The following AMMECR1 variants were observed in gnomAD, a reference collection of about 807,000 sequenced individuals.
AMMECR1 encodes nuclear protein AMMECR1.
AMMECR1 carries 3 observed loss-of-function variants against 22.5 expected under a neutral mutation model. The ratio of observed to expected loss-of-function variants is 0.13; its 90% CI spans 0.06 to 0.35. AMMECR1 has a LOEUF of 0.35. Ranked by LOEUF, AMMECR1 falls within the 10% of genes least tolerant of loss-of-function variation. The pLI, the probability that AMMECR1 is intolerant of heterozygous loss-of-function variation, is 1.00. For missense variants in AMMECR1, 235 were observed against 278.7 expected (o/e 0.84, Z 1.12); for synonymous variants, 130 against 116.7 (o/e 1.11, Z -0.74).
intron 2 of AMMECR1, among the ~76,000 whole-genome samples, chrX:110,342,493 T>G (rs757578758): frequency 1.8e-5 from 2 of 111,358 alleles, no homozygotes; most frequent in African/African-American, 6.5e-5. Context: ...TGCCTCAGCC[T>G]CCTGAGTAGC....
At chrX:110,302,902 CA>C (rs1325510522) in intron 1 of AMMECR1, among the ~76,000 whole-genome samples, 24 of 101,806 alleles carry the variant, frequency 2.4e-4, no homozygotes, top group African/African-American at 7.1e-4. Context: ...AATCAAAAAA[CA>C]AAAAAAAAAG....
At chrX:110,243,413 G>A (rs761698085) in intron 2 of AMMECR1, among the ~76,000 whole-genome samples, 3 of 112,037 alleles carry the variant, frequency 2.7e-5, no homozygotes, top group Non-Finnish European at 3.8e-5. Flanking sequence ...CCAAACATCT[G>A]GAAAATTCCC....
At chrX:110,332,996 A>G (rs1358840979) in intron 2 of AMMECR1, among the ~76,000 whole-genome samples, 1 of 112,071 alleles carries the variant, frequency 8.9e-6, no homozygotes, top group Admixed American at 9.5e-5. Context: ...AGCTTCAGCC[A>G]AAACACCCTG....
intron 1 of AMMECR1, among the ~76,000 whole-genome samples, chrX:110,268,640 G>A (rs2067782204): frequency 9.0e-6 from 1 of 111,555 alleles, no homozygotes; most frequent in Non-Finnish European, 1.9e-5. Context: ...TCTAAAAATA[G>A]GAACAAATTT....
At chrX:110,279,320 T>C (rs912811741) in intron 1 of AMMECR1, among the ~76,000 whole-genome samples, 3 of 112,686 alleles carry the variant, frequency 2.7e-5, no homozygotes, top group Non-Finnish European at 5.6e-5. Flanking sequence ...CTATTGCAAT[T>C]AGTTATTTAA....
At chrX:110,407,021 T>C (rs2068607169) in intron 2 of AMMECR1, among the ~76,000 whole-genome samples, 1 of 111,839 alleles carries the variant, frequency 8.9e-6, no homozygotes, top group African/African-American at 3.3e-5. Context: ...TGATTGATTG[T>C]GTTTTCTCCT....
chrX:110,344,560 C>T (rs1336620569), intron 2 of AMMECR1, among the ~76,000 whole-genome samples: 1 of 111,046 alleles, frequency 9.0e-6, no homozygotes, highest in Non-Finnish European at 1.9e-5. Context: ...AACAGGCAAC[C>T]TATGGAATGG....
chrX:110,238,816 G>A (rs750135279), intron 2 of AMMECR1, among the ~76,000 whole-genome samples: 2 of 112,008 alleles, frequency 1.8e-5, no homozygotes, highest in Admixed American at 9.4e-5. Flanking sequence ...GGCATCTGGC[G>A]GGTGCCCCTC....
At chrX:110,405,092 C>A (rs771737327) in intron 2 of AMMECR1, among the ~76,000 whole-genome samples, 3 of 90,645 alleles carry the variant, frequency 3.3e-5, no homozygotes, top group Admixed American at 1.2e-4. Flanking sequence ...GTTGTGTCCC[C>A]CCCCCCCCCA....
chrX:110,395,637 T>C (rs922681778), intron 2 of AMMECR1, among the ~76,000 whole-genome samples: 2 of 112,280 alleles, frequency 1.8e-5, no homozygotes, highest in African/African-American at 6.5e-5. Context: ...TTTTTTCTTT[T>C]TCTTTTTTTT....
intron 2 of AMMECR1, among the ~76,000 whole-genome samples, chrX:110,229,185 C>A (rs957971387): frequency 9.8e-5 from 11 of 112,558 alleles, no homozygotes; most frequent in African/African-American, 3.6e-4. Flanking sequence ...TTACTCCTTT[C>A]AACAAACATT....
At chrX:110,387,547 C>CT (rs1182065631) in intron 2 of AMMECR1, among the ~76,000 whole-genome samples, 1 of 111,714 alleles carries the variant, frequency 9.0e-6, no homozygotes, top group Admixed American at 9.5e-5. Context: ...TAAAAGGTAT[C>CT]TTAAGAGTGC....
chrX:110,361,838 GCT>G (rs1252307627), intron 2 of AMMECR1, among the ~76,000 whole-genome samples: 2 of 111,987 alleles, frequency 1.8e-5, no homozygotes, highest in Non-Finnish European at 3.8e-5. Context: ...AATATTTTAG[GCT>G]TTGTGAGCCA....
intron 2 of AMMECR1, chrX:110,219,720 T>C: frequency 2.5e-6 from 1 of 403,423 alleles, no homozygotes; most frequent in Non-Finnish European, 3.1e-6. Flanking sequence ...GATTCAAACA[T>C]ACTGATTTCA....
chrX:110,298,363 G>T (rs1287905430), intron 1 of AMMECR1, among the ~76,000 whole-genome samples: 4 of 111,458 alleles, frequency 3.6e-5, no homozygotes, highest in Non-Finnish European at 5.7e-5. Flanking sequence ...CAAGTTATGA[G>T]AAACTTTTAC....
intron 2 of AMMECR1, among the ~76,000 whole-genome samples, chrX:110,323,693 T>C (rs1390105812): frequency 8.9e-6 from 1 of 112,456 alleles, no homozygotes; most frequent in Non-Finnish European, 1.9e-5. Flanking sequence ...TTGGTTGTTA[T>C]GAATAATGTT....
At chrX:110,413,013 C>G (rs2068651566) in intron 2 of AMMECR1, among the ~76,000 whole-genome samples, 1 of 111,659 alleles carries the variant, frequency 9.0e-6, no homozygotes, top group African/African-American at 3.3e-5. Flanking sequence ...ACAGTTAATC[C>G]CACCAGGCTT....
intron 3 of AMMECR1, among the ~76,000 whole-genome samples, chrX:110,213,025 A>G (rs1274685540): frequency 8.9e-6 from 1 of 112,373 alleles, no homozygotes; most frequent in East Asian, 2.8e-4. Context: ...TTTAATTTAA[A>G]AAATTTTCTT....
chrX:110,215,832 C>T (rs954828465), intron 3 of AMMECR1, among the ~76,000 whole-genome samples: 2 of 111,449 alleles, frequency 1.8e-5, no homozygotes, highest in Non-Finnish European at 3.8e-5. Context: ...TAGACCTACA[C>T]TCAACATCTC....
Sources: gnomAD v4.1 joint callset for allele counts (sites outside exome capture counted in the v4.1 genomes callset) on GRCh38, gnomAD v4.1.1 for gene constraint, MANE v1.5 for transcripts, NCBI Gene and HGNC (gene_info 2026-07-23, HGNC 2026-07-21) for gene names.